Variants in COL6A2 observed in about 807,000 individuals in gnomAD.
The protein encoded by COL6A2 is collagen alpha-2(VI) chain.
A neutral mutation model predicts 124.9 loss-of-function variants in COL6A2; 90 were observed. The ratio of observed to expected loss-of-function variants is 0.72; its 90% CI spans 0.61 to 0.86. The LOEUF (loss-of-function observed/expected upper bound fraction) is 0.86. Ranked by LOEUF, COL6A2 falls within the 40% of genes least tolerant of loss-of-function variation. COL6A2 has a pLI of 0.00. For synonymous variants in COL6A2, 793 were observed against 618.2 expected, an observed-to-expected ratio of 1.28 and a Z score of -4.19; for missense variants, 1,607 against 1,502.5, an observed-to-expected ratio of 1.07 and a Z score of -1.15.
In COL6A2 at chr21:46,125,869, C is replaced by A. The variant is rs564873527; in HGVS notation, c.2054C>A (p.Ser685Ter). Reference protein sequence around the residue: ...QLDDERIDSLSSFKEAVKNLE... With the variant: ...QLDDERIDSL ...GACGACGAACGTATCGACTCCCTGT[C>A]GAGCTTCAAGGAGGCTGTCAAGAAC... Residue 685 changes from serine (S) to a stop codon, truncating the protein, a stop_gained, in exon 26 of 28, where the codon TCG (serine) becomes TAG (stop). Coordinates refer to ENST00000300527, the MANE Select transcript of COL6A2 (RefSeq NM_001849.4). LOFTEE classifies it high-confidence loss of function. 1.2e-6 allele frequency: 2 copies of A among 1,613,086 alleles called. No individual in the cohort carries two copies. Among genetic ancestry groups the A allele is most frequent in the Non-Finnish European group, 1.7e-6 (2 of 1,179,990 alleles).
At position 46,125,861 on chromosome 21, in the gene COL6A2, C is replaced by T. The variant is rs1459762039; in HGVS notation, c.2046C>T (p.Asp682=). 2.5e-6 allele frequency: 4 copies of T among 1,612,976 alleles called. No homozygotes were observed. Among genetic ancestry groups the T allele is most frequent in the Non-Finnish European group, 3.4e-6 (4 of 1,180,008 alleles). ...TCCAGCTGGACGACGAACGTATCGA[C>T]TCCCTGTCGAGCTTCAAGGAGGCTG... ...EAIQLDDERI[D]SLSSFKEAVK... is the part of the protein sequence containing the mutation. Residue 682 remains aspartate, a synonymous_variant, in exon 26 of 28, where the codon GAC becomes GAT. Coordinates refer to ENST00000300527, the MANE Select transcript of COL6A2 (RefSeq NM_001849.4).
At chr21:46,130,581 C>T (rs544066067) in intron 27 of COL6A2, among the ~76,000 whole-genome samples, 76 of 151,968 alleles carry the variant, frequency 5.0e-4, no homozygotes, top group Non-Finnish European at 9.4e-4. Context: ...ATCCCAACAG[C>T]CTCAGCCTCC....
At chr21:46,112,925 A>C (rs1244951642) in intron 4 of COL6A2, 101 bp downstream of exon 4, 27 of 1,481,216 alleles carry the variant, frequency 1.8e-5, no homozygotes, top group Non-Finnish European at 2.5e-5. Flanking sequence ...GCTGGAACAG[A>C]TGAGAGGAGA....
At position 46,132,723 on chromosome 21, in the gene COL6A2, CCAG is replaced by C; in HGVS notation, c.*172_*174del. 1.5e-6 allele frequency: 1 copy of C among 670,028 alleles called. No homozygotes were observed. The highest frequency in any genetic ancestry group is 2.6e-6 in the Non-Finnish European group (1 of 391,900). The allele number at this position is 670,028 out of a possible 1,614,324, so 41.5% of individuals were successfully genotyped here. ...CCGTAGCCCCGGCCCCCGCCCAGCC[CCAG>C]GTCTCCCCAGGCCCTCCGCAGGCTG... On this transcript the variant is annotated 3_prime_UTR_variant, in exon 28 of 28. Transcript: ENST00000300527.
chr21:46,109,782 C>G (rs2078374963), intron 1 of COL6A2, among the ~76,000 whole-genome samples: 1 of 152,184 alleles, frequency 6.6e-6, no homozygotes, highest in Admixed American at 6.5e-5. Context: ...AGAAGCTGGG[C>G]AGCGGGAACA....
At position 46,126,107 on chromosome 21, in the gene COL6A2, C is replaced by T. The variant is rs752888936; in HGVS notation, c.2292C>T (p.His764=). The change falls in exon 26 of 28, where the codon CAC becomes CAT. Residue 764 remains histidine, a synonymous_variant. Transcript: ENST00000300527. ...VTAIGIGDMF[H]EKHESENLYS... ...CCATCGGCATCGGGGACATGTTCCA[C>T]GAGAAGCACGAGAGTGAAAACCTCT... 30 of 1,612,528 alleles carry T rather than the reference C, an allele frequency of 1.9e-5. No homozygotes were observed. The highest frequency in any genetic ancestry group is 1.1e-4 in the East Asian group (5 of 44,884).
chr21:46,125,380 G>T (rs112166523), intron 24 of COL6A2, 69 bp downstream of exon 24: 1 of 1,604,826 alleles, frequency 6.2e-7, no homozygotes, highest in East Asian at 2.2e-5. Flanking sequence ...AGCAGGGCTG[G>T]GTCATCGCTG....
intron 20 of COL6A2, 150 bp downstream of exon 20, chr21:46,122,681 G>A: frequency 9.5e-7 from 1 of 1,055,810 alleles, no homozygotes; most frequent in Non-Finnish European, 1.4e-6. Context: ...CACCTATGCT[G>A]AGCTCTGGGG....
chr21:46,129,928 T>TGA (rs1209638220), intron 27 of COL6A2: 19 of 796,296 alleles, frequency 2.4e-5, no homozygotes, highest in Non-Finnish European at 2.9e-5. Flanking sequence ...GGGATGGGGC[T>TGA]GAGGGAGGGT....
At chr21:46,123,046 C>T in intron 21 of COL6A2, 109 bp downstream of exon 21, 2 of 1,119,592 alleles carry the variant, frequency 1.8e-6, no homozygotes, top group Non-Finnish European at 2.7e-6. Flanking sequence ...CAGCTTGGCC[C>T]CAGCCATGAG....
chr21:46,126,553 C>T lies in COL6A2; in HGVS notation c.2461+12C>T, dbSNP rs745905562. ...TCCCTGCCAAACAGGTAATGCAGGG[C>T]ACCCTGAGCCACCACCCCAGACTAG... On this transcript the variant is annotated intron_variant, in intron 27 of 27. Coordinates refer to ENST00000300527, the MANE Select transcript of COL6A2 (RefSeq NM_001849.4). 4 of 1,613,280 alleles carry T rather than the reference C, an allele frequency of 2.5e-6. No individual in the cohort carries two copies. The highest frequency in any genetic ancestry group is 1.1e-5 in the South Asian group (1 of 91,090).
chr21:46,124,548 C>G lies in COL6A2; in HGVS notation c.1672-103C>G, dbSNP rs578237447. The G allele has an allele frequency of 1.2e-4, 123 of 1,041,184 alleles. 1 individual carries two copies. Among genetic ancestry groups the G allele is most frequent in the South Asian group, 8.4e-4 (62 of 74,104 alleles). The allele number at this position is 1,041,184 out of a possible 1,614,324, so 64.5% of individuals were successfully genotyped here. A position where few individuals can be genotyped will look rare whatever the true frequency, so the allele number is the denominator to read the frequency against. The stretch of plus-strand genomic sequence containing the variant: ...CCTTGCACCTGTTAGCCCCCCCCCC[C>G]GCCAAGGGAGGACCCGTGGTTGGGG... On this transcript the variant is annotated intron_variant, in intron 21 of 27. Transcript: ENST00000300527.
At chr21:46,124,606 T>C (rs539239812) in intron 21 of COL6A2, 45 bp from the exon 22 acceptor site, 25 of 1,594,706 alleles carry the variant, frequency 1.6e-5, no homozygotes, top group Non-Finnish European at 2.1e-5. Context: ...GTGCAGGGAC[T>C]GTCCCTGGGG....
intron 1 of COL6A2, among the ~76,000 whole-genome samples, chr21:46,104,807 G>C (rs964006843): frequency 6.6e-6 from 1 of 152,186 alleles, no homozygotes; most frequent in African/African-American, 2.4e-5. Flanking sequence ...CACATGTAAG[G>C]AATCCTCAAT....
rs1178660708 is a variant in COL6A2 at position 46,132,183 on chromosome 21, C to T, written c.2691C>T (p.Asn897=). ...AGGTGGCCTTCCCGCTGAGCCACAA[C>T]CTCACGGCCATCCACGAGGCGCTGG... ...EQQVAFPLSH[N]LTAIHEALET... Residue 897 remains asparagine (N), a synonymous_variant, in exon 28 of 28, where the codon AAC becomes AAT. Coordinates refer to ENST00000300527, the MANE Select transcript of COL6A2 (RefSeq NM_001849.4). 6 of 1,574,222 alleles carry T rather than the reference C, an allele frequency of 3.8e-6. No homozygotes were observed. Among genetic ancestry groups the T allele is most frequent in the South Asian group, 1.1e-5 (1 of 86,988 alleles).
In COL6A2 at chr21:46,124,815, C is replaced by T. The variant is rs73908536; in HGVS notation, c.1735-70C>T. On this transcript the variant is annotated intron_variant, in intron 22 of 27. Coordinates refer to ENST00000300527, the MANE Select transcript of COL6A2 (RefSeq NM_001849.4). ...CACGGTGGACCCACGTATCAGTGGG[C>T]AGTGGCCTGGGAGAGACTCAGCCAC... The T allele has an allele frequency of 2.3e-3, 3,691 of 1,599,930 alleles. 72 individuals are homozygous for T. The African/African-American group carries it at 0.043, about 18-fold the overall frequency.
chr21:46,107,285 A>G (rs143912242), intron 1 of COL6A2, among the ~76,000 whole-genome samples: 96 of 152,250 alleles, frequency 6.3e-4, no homozygotes, highest in African/African-American at 2.3e-3. Flanking sequence ...ATTCTTATCT[A>G]AGGGGTCTGG....
chr21:46,132,501 C>G lies in COL6A2; in HGVS notation c.3009C>G (p.Asp1003Glu). 2 of 1,607,548 alleles carry G rather than the reference C, an allele frequency of 1.2e-6. No individual in the cohort carries two copies. Among genetic ancestry groups the G allele is most frequent in the South Asian group, 1.1e-5 (1 of 91,012 alleles). Residue 1003 changes from aspartate (D) to glutamate (E), a missense_variant, in exon 28 of 28, where the codon GAC becomes GAG. Asp to Glu is a conservative substitution (Grantham distance 45). Around this residue, in one of 3 missense-constraint regions of COL6A2, gnomAD observed 1,223 missense variants for 1,052.2 expected, o/e 1.16. Coordinates refer to ENST00000300527, the MANE Select transcript of COL6A2 (RefSeq NM_001849.4). ...CCGTGTTCCACGAGAAGGACTATGA[C>G]AGCCTGGCGCAACCCGGCTTCTTCG... The part of the protein sequence containing the change: ...RAAVFHEKDY[D>E]SLAQPGFFDR...
At chr21:46,124,529 A>G (rs1601245740) in intron 21 of COL6A2, 122 bp from the exon 22 acceptor site, 5 of 803,528 alleles carry the variant, frequency 6.2e-6, no homozygotes, top group Non-Finnish European at 1.0e-5. Context: ...TACTCCTTGC[A>G]CCTGTTAGCC....
Sources: allele counts gnomAD v4.1 joint callset (sites outside exome capture counted in the v4.1 genomes callset), GRCh38; gene constraint gnomAD v4.1.1; regional missense constraint gnomAD v4.1.1; transcripts MANE v1.5; gene names NCBI Gene and HGNC (gene_info 2026-07-23, HGNC 2026-07-21).